Variants in UNC79 observed in about 807,000 individuals in gnomAD.
The protein encoded by UNC79 is unc-79 subunit of NALCN channel complex, also known as protein unc-79 homolog.
A neutral mutation model predicts 283.1 loss-of-function variants in UNC79; 37 were observed. The observed-to-expected ratio is 0.13, with a 90% CI of 0.10 to 0.17. The LOEUF (loss-of-function observed/expected upper bound fraction) is 0.17, where lower values mean the gene tolerates loss of function less well. Among genes scored for constraint, UNC79 ranks in the 10% least tolerant of loss-of-function variants. UNC79 has a pLI of 1.00. For missense variants in UNC79, 2,272 were observed against 3,211.1 expected, an observed-to-expected ratio of 0.71 and a Z score of 7.07; for synonymous variants, 1,107 against 1,200.2, an observed-to-expected ratio of 0.92 and a Z score of 1.61.
At chr14:93,700,607 A>G (rs2075459109) in intron 47 of UNC79, among the ~76,000 whole-genome samples, 1 of 152,032 alleles carries the variant, frequency 6.6e-6, no homozygotes, top group Non-Finnish European at 1.5e-5. Context: ...TGGGTGATGG[A>G]TATTTTTATA....
At chr14:93,349,950 G>A (rs974269868) in intron 1 of UNC79, among the ~76,000 whole-genome samples, 2 of 152,140 alleles carry the variant, frequency 1.3e-5, no homozygotes, top group Non-Finnish European at 2.9e-5. Flanking sequence ...AAAAAATTAA[G>A]TGCATAAAAA....
At chr14:93,370,674 A>G (rs569476467) in intron 1 of UNC79, among the ~76,000 whole-genome samples, 304 of 152,338 alleles carry the variant, frequency 2.0e-3, no homozygotes, top group South Asian at 9.3e-3. Flanking sequence ...CGGGAGGCTG[A>G]GGCAGGAGAA....
chr14:93,547,194 T>C (rs2061641602), intron 14 of UNC79, among the ~76,000 whole-genome samples: 2 of 152,234 alleles, frequency 1.3e-5, no homozygotes, highest in African/African-American at 4.8e-5. Context: ...AGCAAGGGCA[T>C]TGACAAATTT....
chr14:93,645,244 A>G (rs1217606416), intron 34 of UNC79, among the ~76,000 whole-genome samples: 1 of 152,254 alleles, frequency 6.6e-6, no homozygotes, highest in Non-Finnish European at 1.5e-5. Context: ...AGTGAGAACA[A>G]TATGTGTTCA....
At chr14:93,520,904 T>A (rs1411447883) in intron 7 of UNC79, among the ~76,000 whole-genome samples, 1 of 152,056 alleles carries the variant, frequency 6.6e-6, no homozygotes, top group Non-Finnish European at 1.5e-5. Context: ...GCTGATCTGT[T>A]TTCCCCCTGG....
At position 93,616,184 on chromosome 14, in the gene UNC79, A is replaced by G. The variant is rs144133011; in HGVS notation, c.4042-938A>G. 2.6e-5 allele frequency among the ~76,000 whole-genome samples: 4 copies of G among 152,086 alleles called. No homozygotes were observed. In the East Asian group the frequency reaches 7.7e-4, roughly 29 times the overall value. On this transcript the variant is annotated intron_variant, in intron 27 of 48. Coordinates refer to ENST00000555664, the Ensembl canonical transcript of UNC79. ...AGTTTTCTGTAGTTATACAAACAGT[A>G]TTTTGTTTATCTAATCCCATATTAT...
At chr14:93,625,996 T>C (rs915726162) in intron 30 of UNC79, among the ~76,000 whole-genome samples, 1 of 152,184 alleles carries the variant, frequency 6.6e-6, no homozygotes, top group African/African-American at 2.4e-5. Context: ...CACTGCCTCA[T>C]TTTGCAAATG....
exon 49 of UNC79, chr14:93,706,800 G>A (rs1377774521): frequency 1.9e-6 from 3 of 1,614,256 alleles, no homozygotes; most frequent in Admixed American, 1.7e-5. Context: ...CCAGAGCAGT[G>A]CTGGCCTGGC....
chr14:93,383,577 A>G (rs1236527287), intron 1 of UNC79, among the ~76,000 whole-genome samples: 2 of 152,250 alleles, frequency 1.3e-5, no homozygotes, highest in African/African-American at 4.8e-5. Context: ...GCTAAATAAT[A>G]TGAATGATCA....
chr14:93,536,782 C>CCTTTTT (rs1567069571), intron 11 of UNC79, among the ~76,000 whole-genome samples: 15 of 82,426 alleles, frequency 1.8e-4, no homozygotes, highest in South Asian at 5.7e-4. Flanking sequence ...CCACCCCCGG[C>CCTTTTT]TTTTTTTTTT....
chr14:93,420,994 T>C lies in UNC79; in HGVS notation c.-350-46677T>C, dbSNP rs116491149. ...AAGTTCCCAGCTATAAGTGCCTACA[T>C]TGTGGAATAAGAAAGCTTCAAATAA... is the stretch of plus-strand genomic sequence containing the variant. On this transcript the variant is annotated intron_variant, in intron 1 of 49. Coordinates refer to the UNC79 transcript ENST00000256339. Among the ~76,000 whole-genome samples, 688 of 151,736 alleles carry C rather than the reference T, an allele frequency of 4.5e-3. 9 individuals are homozygous for C. The highest frequency in any genetic ancestry group is 0.016 in the African/African-American group (657 of 41,476).
chr14:93,561,850 G>A (rs1226202814), intron 14 of UNC79, among the ~76,000 whole-genome samples: 4 of 152,142 alleles, frequency 2.6e-5, no homozygotes, highest in Non-Finnish European at 5.9e-5. Flanking sequence ...CAAGAGTAGG[G>A]CATTTATGAG....
At position 93,487,470 on chromosome 14, in the gene UNC79, T is replaced by C. The variant is rs532594625; in HGVS notation, c.620-193T>C. Among the ~76,000 whole-genome samples the C allele has an allele frequency of 2.0e-5, 3 of 152,322 alleles. No homozygotes were observed. In the South Asian group the frequency reaches 6.2e-4, roughly 32 times the overall value. On this transcript the variant is annotated intron_variant, in intron 4 of 48. Transcript: ENST00000555664. Reference sequence around the variant, plus strand: ...TCTCCTTATAGATTCTCACTCAATTTTCCTATGGAGATGACAACTGTAGCA... The same window carrying C: ...TCTCCTTATAGATTCTCACTCAATTCTCCTATGGAGATGACAACTGTAGCA...
intron 20 of UNC79, among the ~76,000 whole-genome samples, chr14:93,585,086 C>G (rs1416035155): frequency 6.6e-6 from 1 of 152,222 alleles, no homozygotes; most frequent in Middle Eastern, 3.2e-3. Flanking sequence ...CCCCTGCATG[C>G]TCCTCCAGGC....
At chr14:93,625,874 A>AT (rs1312848317) in intron 30 of UNC79, among the ~76,000 whole-genome samples, 1 of 152,132 alleles carries the variant, frequency 6.6e-6, no homozygotes, top group Non-Finnish European at 1.5e-5. Context: ...CACATAATGC[A>AT]TTTTTCAAGA....
At chr14:93,348,178 T>C in intron 1 of UNC79, 2 of 1,109,908 alleles carry the variant, frequency 1.8e-6, no homozygotes, top group South Asian at 2.5e-5. Flanking sequence ...AAAAGCTGTG[T>C]TTTTGTTAAC....
At chr14:93,470,724 C>T (rs993635101) in intron 2 of UNC79, among the ~76,000 whole-genome samples, 5 of 152,102 alleles carry the variant, frequency 3.3e-5, no homozygotes, top group Admixed American at 1.3e-4. Flanking sequence ...TAGCAGATAC[C>T]TAAGTTTGGC....
chr14:93,478,625 C>T lies in UNC79; in HGVS notation c.619+897C>T, dbSNP rs141277577. 2.4e-3 allele frequency among the ~76,000 whole-genome samples: 367 copies of T among 152,258 alleles called. 7 individuals carry two copies. In the Middle Eastern group the frequency reaches 0.031, roughly 13 times the overall value. On this transcript the variant is annotated intron_variant, in intron 4 of 48. Coordinates refer to ENST00000555664, the Ensembl canonical transcript of UNC79. Reference sequence around the variant, plus strand: ...ATAATAATAATAATAATAGCTGCCTCATGAAGTTGTGGGATAATTAAGATG... The same window carrying T: ...ATAATAATAATAATAATAGCTGCCTTATGAAGTTGTGGGATAATTAAGATG...
chr14:93,698,356 T>C (rs1168639065), intron 47 of UNC79, among the ~76,000 whole-genome samples: 1 of 152,134 alleles, frequency 6.6e-6, no homozygotes, highest in Non-Finnish European at 1.5e-5. Context: ...TTATTTTTGC[T>C]TAATGTATTA....
Sources: allele counts gnomAD v4.1 joint callset (sites outside exome capture counted in the v4.1 genomes callset), GRCh38; gene constraint gnomAD v4.1.1; transcripts MANE v1.5; gene names NCBI Gene and HGNC (gene_info 2026-07-23, HGNC 2026-07-21).